Variants in MTUS2 observed in about 807,000 individuals in gnomAD.
MTUS2 encodes microtubule-associated tumor suppressor candidate 2.
A neutral mutation model predicts 114.1 loss-of-function variants in MTUS2; 40 were observed. The observed-to-expected ratio is 0.35, with a 90% CI of 0.27 to 0.46. The LOEUF (loss-of-function observed/expected upper bound fraction) is 0.46, where lower values mean the gene tolerates loss of function less well. MTUS2 is among the 20% of genes least tolerant of loss of function. MTUS2 has a pLI of 1.00. For missense variants in MTUS2, 1,679 were observed against 1,705.4 expected (o/e 0.98, Z 0.27); for synonymous variants, 688 against 672.0 (o/e 1.02, Z -0.37).
intron 2 of MTUS2, among the ~76,000 whole-genome samples, chr13:29,013,682 T>C (rs1258032809): frequency 6.6e-6 from 1 of 152,186 alleles, no homozygotes; most frequent in Non-Finnish European, 1.5e-5. Flanking sequence ...CTGGCATCAC[T>C]TACAAATCCT....
chr13:29,115,328 T>C (rs1004955317), intron 5 of MTUS2, among the ~76,000 whole-genome samples: 3 of 152,234 alleles, frequency 2.0e-5, no homozygotes, highest in African/African-American at 4.8e-5. Context: ...CCTTTGGCGA[T>C]GTCAATAAAA....
intron 4 of MTUS2, among the ~76,000 whole-genome samples, chr13:29,069,101 G>C (rs1159804166): frequency 6.6e-6 from 1 of 152,194 alleles, no homozygotes; most frequent in East Asian, 1.9e-4. Flanking sequence ...GGTTTAAGGA[G>C]GTGGATTTAA....
intron 9 of MTUS2, among the ~76,000 whole-genome samples, chr13:29,444,250 C>A (rs968023173): frequency 1.3e-5 from 2 of 152,054 alleles, no homozygotes; most frequent in African/African-American, 2.4e-5. Flanking sequence ...GTGGTCAAAC[C>A]CCATCTCTAC....
intron 6 of MTUS2, chr13:29,306,732 A>C: frequency 3.4e-6 from 1 of 291,334 alleles, no homozygotes; most frequent in Non-Finnish European, 7.0e-6. Flanking sequence ...TGTTCGACAG[A>C]CAGCCACATT....
chr13:29,364,290 T>A (rs9506161), intron 8 of MTUS2, among the ~76,000 whole-genome samples: 30,074 of 152,048 alleles, frequency 0.2, 3,133 homozygotes, highest in Middle Eastern at 0.25. Context: ...AGGAGCAGAA[T>A]GTGGGGTGAG....
At chr13:29,288,224 G>C (rs1032499984) in intron 6 of MTUS2, among the ~76,000 whole-genome samples, 1 of 152,214 alleles carries the variant, frequency 6.6e-6, no homozygotes, top group Non-Finnish European at 1.5e-5. Flanking sequence ...TATCCTTGTG[G>C]CTCTGGGAAT....
chr13:29,088,654 A>G (rs1889804805), intron 4 of MTUS2, among the ~76,000 whole-genome samples: 1 of 152,228 alleles, frequency 6.6e-6, no homozygotes, highest in African/African-American at 2.4e-5. Flanking sequence ...TTGGGTTCAT[A>G]TACATTCAGC....
intron 2 of MTUS2, among the ~76,000 whole-genome samples, chr13:28,972,279 G>T (rs991273646): frequency 1.3e-5 from 2 of 152,162 alleles, no homozygotes; most frequent in Non-Finnish European, 2.9e-5. Flanking sequence ...ATAACAAATG[G>T]CTTCTCTGAT....
In MTUS2 at chr13:29,269,034, A is replaced by ATAT. The variant is rs558553101; in HGVS notation, c.2645-12669_2645-12667dup. Among the ~76,000 whole-genome samples the ATAT allele has an allele frequency of 1.6e-4, 25 of 152,352 alleles. No individual in the cohort carries two copies. In the East Asian group the frequency reaches 4.6e-3, roughly 28 times the overall value. On this transcript the variant is annotated intron_variant, in intron 5 of 15. Coordinates refer to ENST00000612955, the MANE Select transcript of MTUS2 (RefSeq NM_001033602.4). ...TTATTGTCTATCCCCAACTACAAGA[A>ATAT]TATGAGCTCCAGAATTGGACAGGGG...
chr13:29,042,921 T>C lies in MTUS2; in HGVS notation c.2446+8796T>C, dbSNP rs376842954. Among the ~76,000 whole-genome samples the C allele has an allele frequency of 9.9e-5, 15 of 152,268 alleles. No homozygotes were observed. The East Asian group carries it at 2.5e-3, about 25-fold the overall frequency. On this transcript the variant is annotated intron_variant, in intron 4 of 15. Coordinates refer to ENST00000612955, the MANE Select transcript of MTUS2 (RefSeq NM_001033602.4). ...GTCTATCTTTTCAAAGACCTAGCTT[T>C]TGTTTCATTTATCTTTTGTATAATT...
chr13:29,324,569 A>G (rs1245342659), intron 6 of MTUS2, 44 bp from the exon 7 acceptor site: 1 of 1,418,180 alleles, frequency 7.1e-7, no homozygotes, highest in South Asian at 1.2e-5. Flanking sequence ...TTCAATTTTA[A>G]GTAGCTTACT....
intron 5 of MTUS2, among the ~76,000 whole-genome samples, chr13:29,217,621 A>G (rs1285894258): frequency 6.6e-6 from 1 of 152,094 alleles, no homozygotes; most frequent in Non-Finnish European, 1.5e-5. Context: ...GGCTGTGGCA[A>G]TTTCTAAATT....
At chr13:28,894,681 T>TAC (rs1247374890) in intron 2 of MTUS2, among the ~76,000 whole-genome samples, 1 of 152,208 alleles carries the variant, frequency 6.6e-6, no homozygotes, top group Non-Finnish European at 1.5e-5. Context: ...CTGTATTATG[T>TAC]AATGCATTTT....
intron 2 of MTUS2, among the ~76,000 whole-genome samples, chr13:28,895,383 T>C (rs898560800): frequency 6.6e-6 from 1 of 152,194 alleles, no homozygotes; most frequent in Admixed American, 6.5e-5. Flanking sequence ...TGATGGACTT[T>C]TAGGATGTAG....
intron 1 of MTUS2, among the ~76,000 whole-genome samples, chr13:28,838,951 G>A (rs982956444): frequency 1.3e-5 from 2 of 152,006 alleles, no homozygotes; most frequent in Non-Finnish European, 2.9e-5. Context: ...TTGAGCAATA[G>A]GTAGTTTAGA....
chr13:29,031,332 A>G (rs1271498333), intron 3 of MTUS2, among the ~76,000 whole-genome samples: 2 of 149,948 alleles, frequency 1.3e-5, no homozygotes, highest in Non-Finnish European at 3.0e-5. Context: ...TTATCTATAT[A>G]TGTTTCAATA....
chr13:29,001,433 G>A (rs1252609399), intron 2 of MTUS2, among the ~76,000 whole-genome samples: 4 of 152,160 alleles, frequency 2.6e-5, no homozygotes, highest in Admixed American at 6.5e-5. Flanking sequence ...CAGGTTGCAC[G>A]TGGAATGCGA....
In MTUS2 at chr13:29,219,348, A is replaced by G. The variant is rs1032989158; in HGVS notation, c.2645-62356A>G. Reference sequence around the variant, plus strand: ...TAGTATTCCATGGTGTATATGTGCCACATTTTCTTAATCCAGTCTATCATT... The same window carrying G: ...TAGTATTCCATGGTGTATATGTGCCGCATTTTCTTAATCCAGTCTATCATT... On this transcript the variant is annotated intron_variant, in intron 5 of 15. Transcript: ENST00000612955. Among the ~76,000 whole-genome samples the G allele has an allele frequency of 3.3e-5, 5 of 149,928 alleles. 1 individual carries two copies. The Middle Eastern group carries it at 0.01, about 306-fold the overall frequency.
intron 5 of MTUS2, among the ~76,000 whole-genome samples, chr13:29,220,316 T>C (rs1895858612): frequency 6.6e-6 from 1 of 152,232 alleles, no homozygotes; most frequent in Admixed American, 6.5e-5. Flanking sequence ...ATAGCACTTT[T>C]AATTGCCTTC....
Sources: allele counts gnomAD v4.1 joint callset (sites outside exome capture counted in the v4.1 genomes callset), GRCh38; gene constraint gnomAD v4.1.1; transcripts MANE v1.5; gene names NCBI Gene and HGNC (gene_info 2026-07-23, HGNC 2026-07-21).